The following MINDY4B variants were observed in gnomAD, a reference collection of about 807,000 sequenced individuals.
The protein encoded by MINDY4B is inactive ubiquitin carboxyl-terminal hydrolase MINDY-4B.
MINDY4B carries 25 observed loss-of-function variants against 16.7 expected under a neutral mutation model. The observed-to-expected ratio is 1.49, with a 90% confidence interval of 1.09 to 2.09. MINDY4B has a LOEUF of 2.09. MINDY4B is among the 30% of genes most tolerant of loss of function. MINDY4B has a pLI of 0.00. For missense variants in MINDY4B, 327 were observed against 168.4 expected (o/e 1.94, Z -5.21); for synonymous variants, 132 against 61.9 (o/e 2.13, Z -5.32).
intron 7 of MINDY4B, 54 bp downstream of exon 7, chr3:150,890,266 A>G (rs1711762665): frequency 2.3e-6 from 1 of 438,948 alleles, no homozygotes; most frequent in African/African-American, 2.0e-5. Flanking sequence ...AAGGAAGAAG[A>G]TCCCTGTAAG....
chr3:150,893,527 A>G (rs890389522), intron 4 of MINDY4B, 112 bp from the exon 5 acceptor site: 1 of 679,896 alleles, frequency 1.5e-6, no homozygotes, highest in African/African-American at 1.8e-5. Flanking sequence ...GTGAAGGGAC[A>G]CCATGCTATA....
intron 3 of MINDY4B, among the ~76,000 whole-genome samples, chr3:150,901,951 G>C (rs1205084555): frequency 4.6e-5 from 7 of 152,050 alleles, no homozygotes; most frequent in Non-Finnish European, 1.0e-4. Flanking sequence ...ACGAATCCAG[G>C]GGCTGTGTGG....
chr3:150,884,972 G>A (rs960301746), intron 8 of MINDY4B, among the ~76,000 whole-genome samples: 3 of 152,120 alleles, frequency 2.0e-5, no homozygotes, highest in Admixed American at 6.5e-5. Context: ...TCTCTTCTTT[G>A]TACTTTCCAC....
chr3:150,876,927 G>C (rs1177454878), intron 10 of MINDY4B, among the ~76,000 whole-genome samples: 1 of 152,146 alleles, frequency 6.6e-6, no homozygotes, highest in Non-Finnish European at 1.5e-5. Flanking sequence ...CCTTCAAATA[G>C]AAAAGTGACA....
At chr3:150,898,920 C>T (rs936397495) in intron 3 of MINDY4B, among the ~76,000 whole-genome samples, 6 of 152,178 alleles carry the variant, frequency 3.9e-5, no homozygotes, top group African/African-American at 1.4e-4. Flanking sequence ...CTGCCCACCC[C>T]TAACTTGAGG....
chr3:150,896,076 TTTTC>T (rs1171114420), intron 3 of MINDY4B, among the ~76,000 whole-genome samples: 1 of 152,136 alleles, frequency 6.6e-6, no homozygotes, highest in Non-Finnish European at 1.5e-5. Flanking sequence ...TCGGATTCTT[TTTTC>T]TTTGTCTTTG....
At chr3:150,872,984 C>T (rs569499171) in intron 11 of MINDY4B, among the ~76,000 whole-genome samples, 41 of 152,294 alleles carry the variant, frequency 2.7e-4, no homozygotes, top group African/African-American at 9.6e-4. Context: ...CCCCCTGCTC[C>T]TAGGTAAAGC....
intron 3 of MINDY4B, among the ~76,000 whole-genome samples, chr3:150,898,814 AG>A (rs1196968031): frequency 6.6e-6 from 1 of 152,148 alleles, no homozygotes; most frequent in African/African-American, 2.4e-5. Context: ...ACACATTCAA[AG>A]ATAGAGGCCC....
Position 150,905,090 on chromosome 3 carries a change from C to T in MINDY4B, c.114-1G>A. ...AGGAGTTGAATTATTGGTTCCCAAC[C>T]TTTAAATGAAAGAGAAAACATCAAG... On this transcript the variant is annotated splice_acceptor_variant, in intron 1 of 11. Coordinates refer to ENST00000465419, the MANE Select transcript of MINDY4B (RefSeq NM_001351281.2). LOFTEE classifies it high-confidence loss of function. 2 of 398,492 alleles carry T rather than the reference C, an allele frequency of 5.0e-6. No homozygotes were observed. Among genetic ancestry groups the T allele is most frequent in the Non-Finnish European group, 8.9e-6 (2 of 225,984 alleles). 24.7% of individuals were successfully genotyped at this position (398,492 alleles called of 1,614,324 possible). A position where few individuals can be genotyped will look rare whatever the true frequency, so the allele number is the denominator to read the frequency against.
chr3:150,895,849 A>G (rs2107908271), intron 3 of MINDY4B, among the ~76,000 whole-genome samples: 1 of 152,176 alleles, frequency 6.6e-6, no homozygotes, highest in African/African-American at 2.4e-5. Flanking sequence ...ATTTTTTTGC[A>G]ATGAATTTCC....
At chr3:150,874,353 G>C (rs1441344521) in intron 10 of MINDY4B, among the ~76,000 whole-genome samples, 4 of 152,160 alleles carry the variant, frequency 2.6e-5, no homozygotes, top group African/African-American at 7.2e-5. Flanking sequence ...ACCAGCACTG[G>C]GGGTAAGAGC....
intron 8 of MINDY4B, among the ~76,000 whole-genome samples, chr3:150,885,097 C>T (rs1347963759): frequency 6.6e-6 from 1 of 152,160 alleles, no homozygotes; most frequent in Non-Finnish European, 1.5e-5. Context: ...TACAAACAAG[C>T]TTTGGTGTTG....
chr3:150,885,933 C>A (rs1017724198), intron 7 of MINDY4B, among the ~76,000 whole-genome samples: 4 of 152,302 alleles, frequency 2.6e-5, no homozygotes, highest in Admixed American at 2.6e-4. Context: ...ATCCAATCCA[C>A]AATCAAGGAT....
At position 150,876,150 on chromosome 3, in the gene MINDY4B, A is replaced by G. The variant is rs535966532; in HGVS notation, c.1060-2783T>C. Among the ~76,000 whole-genome samples, 4 of 152,320 alleles carry G rather than the reference A, an allele frequency of 2.6e-5. No homozygotes were observed. The South Asian group carries it at 6.2e-4, about 24-fold the overall frequency. The stretch of plus-strand genomic sequence containing the variant: ...TATAAATAAAATACCTTTCTCCTTA[A>G]GTTCACTCATTGTGTAATCAGCCCA... On this transcript the variant is annotated intron_variant, in intron 10 of 11. Coordinates refer to ENST00000465419, the MANE Select transcript of MINDY4B (RefSeq NM_001351281.2).
intron 7 of MINDY4B, among the ~76,000 whole-genome samples, chr3:150,885,799 T>G (rs1390951342): frequency 6.6e-6 from 1 of 152,196 alleles, no homozygotes; most frequent in Non-Finnish European, 1.5e-5. Context: ...TCTCTCCTCA[T>G]GTCCTTCCTC....
intron 7 of MINDY4B, among the ~76,000 whole-genome samples, chr3:150,887,342 T>A (rs1413208405): frequency 6.6e-6 from 1 of 152,214 alleles, no homozygotes; most frequent in Non-Finnish European, 1.5e-5. Context: ...AATGTATGAA[T>A]TGCTTATTTC....
In MINDY4B at chr3:150,890,334, C is replaced by A. The variant is rs770827931; in HGVS notation, c.739G>T (p.Asp247Tyr). The A allele has an allele frequency of 2.1e-5, 13 of 630,598 alleles. No homozygotes were observed. Among genetic ancestry groups the A allele is most frequent in the African/African-American group, 2.0e-4 (11 of 53,670 alleles). 39.1% of individuals were successfully genotyped at this position (630,598 alleles called of 1,614,324 possible). A position where few individuals can be genotyped will look rare whatever the true frequency, so the allele number is the denominator to read the frequency against. ...TAAACACTTACACATAGTAAGTGAT[C>A]GTAGATGAATTTCTCAGCGGCTTCT... is the stretch of plus-strand genomic sequence containing the variant. ...EKEAAEKFIY[D>Y]HLLCFRGEGS... Residue 247 changes from aspartate to tyrosine, a missense_variant, in exon 7 of 12, where the codon GAT (aspartate) becomes TAT (tyrosine). By Grantham distance (160) the Asp-to-Tyr change is radical. Transcript: ENST00000465419.
In MINDY4B at chr3:150,886,402, C is replaced by T. The variant is rs114962282; in HGVS notation, c.754-964G>A. On this transcript the variant is annotated intron_variant, in intron 7 of 11. Transcript: ENST00000465419. ...GGCCCTCAGGTAGCAGAATAAATTC[C>T]AGTGCCATAGGAGCCAGATAGTTAC... is the stretch of plus-strand genomic sequence containing the variant. Among the ~76,000 whole-genome samples the T allele has an allele frequency of 8.5e-3, 1,299 of 152,302 alleles. 13 individuals carry two copies. The highest frequency in any genetic ancestry group is 0.029 in the African/African-American group (1,206 of 41,556).
intron 7 of MINDY4B, among the ~76,000 whole-genome samples, chr3:150,888,604 T>C (rs576659428): frequency 6.6e-6 from 1 of 152,332 alleles, no homozygotes; most frequent in Admixed American, 6.5e-5. Context: ...CAACCCCGTC[T>C]CAGTGAGGTC....
Sources: gnomAD v4.1 joint callset for allele counts (sites outside exome capture counted in the v4.1 genomes callset) on GRCh38, gnomAD v4.1.1 for gene constraint, MANE v1.5 for transcripts, NCBI Gene and HGNC (gene_info 2026-07-23, HGNC 2026-07-21) for gene names.